Variants in PINX1 observed in about 807,000 individuals in gnomAD.
PINX1 encodes PIN2/TERF1-interacting telomerase inhibitor 1.
A neutral mutation model predicts 25.4 loss-of-function variants in PINX1; 34 were observed. That is an observed-to-expected ratio of 1.34 (90% CI 1.02 to 1.78). The LOEUF (loss-of-function observed/expected upper bound fraction) is 1.78, where lower values mean the gene tolerates loss of function less well. Ranked by LOEUF, PINX1 falls within the 40% of genes most tolerant of loss-of-function variation. PINX1 has a pLI of 0.00. For missense variants in PINX1, 592 were observed against 404.9 expected, an observed-to-expected ratio of 1.46 and a Z score of -3.97; for synonymous variants, 197 against 147.7, an observed-to-expected ratio of 1.33 and a Z score of -2.42.
chr8:10,819,348 T>C (rs1482032893), intron 6 of PINX1, among the ~76,000 whole-genome samples: 1 of 152,240 alleles, frequency 6.6e-6, no homozygotes, highest in Admixed American at 6.5e-5. Flanking sequence ...TCTTCTTTTT[T>C]GTTCTATGGT....
chr8:10,777,315 G>T (rs1374804141), intron 6 of PINX1, among the ~76,000 whole-genome samples: 1 of 152,212 alleles, frequency 6.6e-6, no homozygotes. Context: ...TCTCCTTTCT[G>T]GCTCCTCTAG....
At position 10,769,326 on chromosome 8, in the gene PINX1, C is replaced by G. The variant is rs191929028; in HGVS notation, c.472-3410G>C. ...CTGGCCTAGTCTGTTCACAGCAAGCCTCACAGTCCTCTCCCTTCCTTCAGC... is the reference window on the plus strand; with the variant it reads ...CTGGCCTAGTCTGTTCACAGCAAGCGTCACAGTCCTCTCCCTTCCTTCAGC... On this transcript the variant is annotated intron_variant, in intron 6 of 6. Transcript: ENST00000314787. 3.3e-3 allele frequency among the ~76,000 whole-genome samples: 506 copies of G among 152,308 alleles called. 3 individuals are homozygous for G. Among genetic ancestry groups the G allele is most frequent in the African/African-American group, 0.012 (483 of 41,564 alleles).
At chr8:10,794,798 C>T (rs547438300) in intron 6 of PINX1, among the ~76,000 whole-genome samples, 64 of 152,192 alleles carry the variant, frequency 4.2e-4, no homozygotes, top group African/African-American at 1.5e-3. Flanking sequence ...AACTAAAATC[C>T]GAGTGCATGT....
chr8:10,785,304 TGGCGTAGCAAGTTAACCC>T (rs1344068331), intron 6 of PINX1, among the ~76,000 whole-genome samples: 1 of 152,222 alleles, frequency 6.6e-6, no homozygotes, highest in African/African-American at 2.4e-5. Context: ...ATGGAAGGAT[TGGCGTAGCAAGTTAACCC>T]ATCAGAATCT....
chr8:10,836,521 G>A (rs954543895), intron 1 of PINX1, among the ~76,000 whole-genome samples: 1 of 152,262 alleles, frequency 6.6e-6, no homozygotes, highest in East Asian at 1.9e-4. Context: ...ATAAGCTCAC[G>A]CTCTGCAGTT....
chr8:10,795,980 A>T (rs1162282879), intron 6 of PINX1, among the ~76,000 whole-genome samples: 1 of 152,214 alleles, frequency 6.6e-6, no homozygotes, highest in East Asian at 1.9e-4. Flanking sequence ...AGGTGGTTTA[A>T]GACAAACTAT....
intron 6 of PINX1, among the ~76,000 whole-genome samples, chr8:10,818,860 G>C (rs1247711527): frequency 2.0e-5 from 3 of 152,166 alleles, no homozygotes; most frequent in Admixed American, 6.5e-5. Context: ...CAAGGAAGAG[G>C]GGTTGGAGAG....
At chr8:10,827,632 C>A (rs191601713) in intron 4 of PINX1, among the ~76,000 whole-genome samples, 1 of 151,842 alleles carries the variant, frequency 6.6e-6, no homozygotes, top group South Asian at 2.1e-4. Context: ...AGCAGCCGGG[C>A]GCGGTGGCTC....
intron 4 of PINX1, 143 bp from the exon 5 acceptor site, chr8:10,826,387 C>A: frequency 1.8e-6 from 1 of 550,368 alleles, no homozygotes; most frequent in Non-Finnish European, 3.2e-6. Flanking sequence ...TCTGCAACAG[C>A]ACCCTTCTGC....
At chr8:10,836,389 G>A (rs1798407872) in intron 1 of PINX1, among the ~76,000 whole-genome samples, 1 of 152,166 alleles carries the variant, frequency 6.6e-6, no homozygotes, top group Non-Finnish European at 1.5e-5. Flanking sequence ...ACACACCAGA[G>A]AGAAGCCTGT....
intron 4 of PINX1, among the ~76,000 whole-genome samples, chr8:10,828,891 C>T (rs1257294593): frequency 6.6e-6 from 1 of 152,196 alleles, no homozygotes; most frequent in Non-Finnish European, 1.5e-5. Flanking sequence ...CCTCACACCC[C>T]TACGCTAACC....
Position 10,825,424 on chromosome 8 carries a change from G to C in PINX1, c.394+728C>G, listed in dbSNP as rs199678358. ...TCTTATGTAAACTATGTAATAAGTA[G>C]GTTTCTAATTCATGATACTGTTCTA... On this transcript the variant is annotated intron_variant, in intron 5 of 6. Transcript: ENST00000314787. 2.5e-3 allele frequency: 1,335 copies of C among 534,798 alleles called. 4 individuals are homozygous for C. Among genetic ancestry groups the C allele is most frequent in the Non-Finnish European group, 3.8e-3 (977 of 260,110 alleles). The allele number at this position is 534,798 out of a possible 1,614,324, so 33.1% of individuals were successfully genotyped here.
chr8:10,790,581 AG>A (rs771523882), intron 6 of PINX1, among the ~76,000 whole-genome samples: 1 of 151,998 alleles, frequency 6.6e-6, no homozygotes, highest in Non-Finnish European at 1.5e-5. Context: ...CCCCAATCCC[AG>A]GGCCTCGACC....
At chr8:10,795,674 G>C (rs1291340188) in intron 6 of PINX1, among the ~76,000 whole-genome samples, 2 of 152,148 alleles carry the variant, frequency 1.3e-5, no homozygotes, top group Non-Finnish European at 2.9e-5. Context: ...TCTTTAACTT[G>C]TGACTTTATG....
chr8:10,782,295 A>G (rs1801609618), intron 6 of PINX1, among the ~76,000 whole-genome samples: 1 of 152,124 alleles, frequency 6.6e-6, no homozygotes, highest in South Asian at 2.1e-4. Flanking sequence ...GTGGCTAATA[A>G]CAGTGTACTG....
At chr8:10,827,454 G>C (rs936069300) in intron 4 of PINX1, among the ~76,000 whole-genome samples, 2 of 152,018 alleles carry the variant, frequency 1.3e-5, no homozygotes, top group Non-Finnish European at 2.9e-5. Context: ...GTTGATCTGG[G>C]GTTAGAGTCA....
intron 6 of PINX1, among the ~76,000 whole-genome samples, chr8:10,812,478 G>A (rs1422340066): frequency 1.3e-5 from 2 of 152,188 alleles, no homozygotes; most frequent in African/African-American, 2.4e-5. Flanking sequence ...GCACTCCCAA[G>A]GAGACGTGCA....
chr8:10,817,298 A>T (rs926127703), intron 6 of PINX1, among the ~76,000 whole-genome samples: 4 of 152,206 alleles, frequency 2.6e-5, no homozygotes, highest in African/African-American at 9.7e-5. Flanking sequence ...TATGAGAGTC[A>T]AGCGAAGCAA....
At chr8:10,791,899 T>C (rs1801934664) in intron 6 of PINX1, among the ~76,000 whole-genome samples, 1 of 152,146 alleles carries the variant, frequency 6.6e-6, no homozygotes, top group African/African-American at 2.4e-5. Context: ...ACAAGAAGCG[T>C]GCAGCTTTTG....
Sources: allele counts gnomAD v4.1 joint callset (sites outside exome capture counted in the v4.1 genomes callset), GRCh38; gene constraint gnomAD v4.1.1; transcripts MANE v1.5; gene names NCBI Gene and HGNC (gene_info 2026-07-23, HGNC 2026-07-21).